Variants in BABAM2 observed in about 807,000 individuals in gnomAD.
The protein encoded by BABAM2 is BRISC and BRCA1-A complex member 2.
In BABAM2, 31 loss-of-function variants were observed where a neutral mutation model predicts 54.7. That is an observed-to-expected ratio of 0.57 (90% CI 0.43 to 0.77). The LOEUF is 0.77. Ranked by LOEUF, BABAM2 falls within the 30% of genes least tolerant of loss-of-function variation. The probability of loss-of-function intolerance (pLI) is 0.00; values close to 1 mark genes in which losing one functional copy is unlikely to be tolerated. For missense variants in BABAM2, 364 were observed against 455.8 expected (o/e 0.80, Z 1.83); for synonymous variants, 167 against 162.9 (o/e 1.03, Z -0.19).
rs142336729 is a variant in BABAM2, at chr2:27,996,939, C to T, written c.300+8852C>T. ...GAGAGTGCTGATCTGTACAGAGCTACTTCGTCCCACCTGGAAGTCCTCTCC... is the reference window on the plus strand; with the variant it reads ...GAGAGTGCTGATCTGTACAGAGCTATTTCGTCCCACCTGGAAGTCCTCTCC... On this transcript the variant is annotated intron_variant, in intron 4 of 11. Transcript: ENST00000379624. Among the ~76,000 whole-genome samples, 961 of 152,300 alleles carry T rather than the reference C, an allele frequency of 6.3e-3. 7 individuals are homozygous for T. Among genetic ancestry groups the T allele is most frequent in the Non-Finnish European group, 7.9e-3 (534 of 68,022 alleles).
intron 3 of BABAM2, among the ~76,000 whole-genome samples, chr2:27,955,739 A>C (rs1670036513): frequency 6.6e-6 from 1 of 152,188 alleles, no homozygotes; most frequent in African/African-American, 2.4e-5. Context: ...TTCTATTCCT[A>C]ATATCAGCAT....
Position 28,044,252 on chromosome 2 carries a change from G to A in BABAM2, c.496-1473G>A, listed in dbSNP as rs1339571671. ...CATAACCTTTTTTGTTTTTTGAGAC[G>A]GAGTTTCGCTCTTGTTGCCGAGGCT... On this transcript the variant is annotated intron_variant, in intron 5 of 11. Transcript: ENST00000379624. Among the ~76,000 whole-genome samples, 6 of 152,166 alleles carry A rather than the reference G, an allele frequency of 3.9e-5. No individual in the cohort carries two copies. The East Asian group carries it at 5.8e-4, about 15-fold the overall frequency.
At chr2:28,266,202 G>T (rs1056701723) in intron 10 of BABAM2, among the ~76,000 whole-genome samples, 1 of 152,144 alleles carries the variant, frequency 6.6e-6, no homozygotes, top group Non-Finnish European at 1.5e-5. Context: ...GGCCAGGCTG[G>T]CCTTAAACAC....
intron 5 of BABAM2, among the ~76,000 whole-genome samples, chr2:28,040,386 C>T (rs1300873080): frequency 4.1e-4 from 59 of 143,478 alleles, no homozygotes; most frequent in Non-Finnish European, 5.8e-4. Context: ...CTGCAAGCTC[C>T]GCCTCCCGGG....
intron 5 of BABAM2, among the ~76,000 whole-genome samples, chr2:28,036,455 T>C (rs1676669072): frequency 6.6e-6 from 1 of 152,196 alleles, no homozygotes; most frequent in African/African-American, 2.4e-5. Flanking sequence ...CAGGGAGGCT[T>C]AACCTAAGCC....
chr2:27,908,889 C>T (rs553109955), intron 2 of BABAM2, among the ~76,000 whole-genome samples: 1 of 152,254 alleles, frequency 6.6e-6, no homozygotes, highest in East Asian at 1.9e-4. Flanking sequence ...TCCACATCCT[C>T]CTCAACACCA....
At chr2:28,131,468 G>C (rs368909303) in intron 7 of BABAM2, among the ~76,000 whole-genome samples, 1 of 152,100 alleles carries the variant, frequency 6.6e-6, no homozygotes, top group Middle Eastern at 3.2e-3. Flanking sequence ...ATAAGGCAAG[G>C]GCTCTGAGTC....
intron 3 of BABAM2, among the ~76,000 whole-genome samples, chr2:27,973,646 C>T (rs749877573): frequency 7.2e-5 from 11 of 151,952 alleles, no homozygotes; most frequent in African/African-American, 1.9e-4. Flanking sequence ...AGGCAGAGTA[C>T]GGGGGAAATC....
intron 11 of BABAM2, among the ~76,000 whole-genome samples, chr2:28,331,000 A>T (rs1033904376): frequency 3.9e-5 from 6 of 152,202 alleles, no homozygotes; most frequent in African/African-American, 1.4e-4. Flanking sequence ...CAGGATAGAC[A>T]TCTCAGAAAT....
Position 28,304,799 on chromosome 2 carries a change from C to T in BABAM2, c.1088+6308C>T, listed in dbSNP as rs1027318776. Among the ~76,000 whole-genome samples, 2 of 151,854 alleles carry T rather than the reference C, an allele frequency of 1.3e-5. No individual in the cohort carries two copies. The highest frequency in any genetic ancestry group is 4.8e-5 in the African/African-American group (2 of 41,316). Reference sequence around the variant, plus strand: ...GTTTTACCATGTTGCCCAGGCTGGTCTCGAACTCCTGAGCACAGGCAATCC... The same window carrying T: ...GTTTTACCATGTTGCCCAGGCTGGTTTCGAACTCCTGAGCACAGGCAATCC... On this transcript the variant is annotated intron_variant, in intron 11 of 11. Coordinates refer to ENST00000379624, the MANE Select transcript of BABAM2 (RefSeq NM_199191.3). This position sits in a 1 kb window ranked among gnomAD's most constrained non-coding sequence, Gnocchi z 4.0.
At chr2:28,102,054 G>A (rs755637018) in intron 6 of BABAM2, among the ~76,000 whole-genome samples, 3 of 152,108 alleles carry the variant, frequency 2.0e-5, no homozygotes, top group Non-Finnish European at 4.4e-5. Flanking sequence ...TGTTTTGAAG[G>A]CTATTTATGA....
chr2:28,223,030 A>G (rs903167080), intron 7 of BABAM2, among the ~76,000 whole-genome samples: 16 of 152,226 alleles, frequency 1.1e-4, no homozygotes, highest in African/African-American at 3.6e-4. Flanking sequence ...AAATTAGTGG[A>G]TATTTTTTAA....
intron 6 of BABAM2, among the ~76,000 whole-genome samples, chr2:28,054,223 C>G (rs760865462): frequency 4.6e-5 from 7 of 151,942 alleles, no homozygotes; most frequent in African/African-American, 1.7e-4. Context: ...AGTGAGTGTC[C>G]GTGGTTTTTA....
At chr2:28,042,537 C>T (rs1015819346) in intron 5 of BABAM2, among the ~76,000 whole-genome samples, 1 of 151,968 alleles carries the variant, frequency 6.6e-6, no homozygotes, top group African/African-American at 2.4e-5. Context: ...AGATAAAGAC[C>T]GAGAAATGAT....
chr2:28,244,706 T>C, intron 9 of BABAM2, 74 bp from the exon 10 acceptor site: 2 of 1,366,320 alleles, frequency 1.5e-6, no homozygotes, highest in Non-Finnish European at 2.1e-6. Context: ...TATTCTTTAC[T>C]TGGTTTTATT....
Position 27,963,624 on chromosome 2 carries a change from C to T in BABAM2, c.206-24369C>T, listed in dbSNP as rs181269044. On this transcript the variant is annotated intron_variant, in intron 3 of 11. Coordinates refer to ENST00000379624, the MANE Select transcript of BABAM2 (RefSeq NM_199191.3). Reference sequence around the variant, plus strand: ...GCAAGTTATACCAAACTAGTCTTAACGGTTTTTTAATGGTAGATCAGCTGA... The same window carrying T: ...GCAAGTTATACCAAACTAGTCTTAATGGTTTTTTAATGGTAGATCAGCTGA... Among the ~76,000 whole-genome samples, 24 of 152,104 alleles carry T rather than the reference C, an allele frequency of 1.6e-4. No individual in the cohort carries two copies. In the East Asian group the frequency reaches 2.9e-3, roughly 18 times the overall value.
intron 3 of BABAM2, among the ~76,000 whole-genome samples, chr2:27,956,456 TA>T (rs1178915362): frequency 6.6e-6 from 1 of 152,242 alleles, no homozygotes; most frequent in Non-Finnish European, 1.5e-5. Context: ...CTTTAGTCTC[TA>T]AAATAATATA....
chr2:27,950,205 T>C (rs1421814489), intron 3 of BABAM2, among the ~76,000 whole-genome samples: 1 of 152,156 alleles, frequency 6.6e-6, no homozygotes, highest in Non-Finnish European at 1.5e-5. Flanking sequence ...ACAGGTAACA[T>C]GAAAGCAATA....
At chr2:27,997,955 C>G (rs1218529559) in intron 4 of BABAM2, among the ~76,000 whole-genome samples, 1 of 152,056 alleles carries the variant, frequency 6.6e-6, no homozygotes, top group Admixed American at 6.5e-5. Flanking sequence ...GAGTTTGAGA[C>G]AAGCCTGACC....
Sources: allele counts gnomAD v4.1 joint callset (sites outside exome capture counted in the v4.1 genomes callset), GRCh38; gene constraint gnomAD v4.1.1; non-coding constraint Gnocchi (gnomAD v3.1); transcripts MANE v1.5; gene names NCBI Gene and HGNC (gene_info 2026-07-23, HGNC 2026-07-21).